The following TSC22D2 variants were observed in gnomAD, a reference collection of about 807,000 sequenced individuals.
The protein encoded by TSC22D2 is TSC22 domain family protein 2.
TSC22D2 carries 5 observed loss-of-function variants against 50.1 expected under a neutral mutation model. That is an observed-to-expected ratio of 0.10 (90% confidence interval 0.05 to 0.21). The LOEUF is 0.21. TSC22D2 is among the 10% of genes least tolerant of loss of function. TSC22D2 has a pLI of 1.00. For synonymous variants in TSC22D2, 501 were observed against 450.1 expected (o/e 1.11, Z -1.43); for missense variants, 1,003 against 1,015.5 (o/e 0.99, Z 0.17).
chr3:150,411,895 GA>G (rs1425930577), intron 1 of TSC22D2, among the ~76,000 whole-genome samples: 1 of 152,118 alleles, frequency 6.6e-6, no homozygotes, highest in Non-Finnish European at 1.5e-5. Flanking sequence ...TCTTCCCAGG[GA>G]CTTCTCTAAG....
intron 1 of TSC22D2, among the ~76,000 whole-genome samples, chr3:150,442,513 G>T (rs1720749675): frequency 6.6e-6 from 1 of 152,184 alleles, no homozygotes; most frequent in Non-Finnish European, 1.5e-5. Context: ...TGTATTTCAT[G>T]ACATTTAGAT....
At chr3:150,433,667 T>C (rs747359941) in intron 1 of TSC22D2, among the ~76,000 whole-genome samples, 2 of 152,356 alleles carry the variant, frequency 1.3e-5, no homozygotes, top group East Asian at 3.9e-4. Context: ...GGATAGTACT[T>C]AGTCCAGAAA....
In TSC22D2 at chr3:150,409,261, T is replaced by C. The variant is rs948997715; in HGVS notation, c.-90T>C. 4.8e-6 allele frequency: 7 copies of C among 1,445,398 alleles called. No homozygotes were observed. Among genetic ancestry groups the C allele is most frequent in the Non-Finnish European group, 5.5e-6 (6 of 1,082,942 alleles). The allele number at this position is 1,445,398 out of a possible 1,614,324, so 89.5% of individuals were successfully genotyped here. On this transcript the variant is annotated 5_prime_UTR_variant, in exon 1 of 3. Transcript: ENST00000688009. This position sits in a 1 kb window ranked among gnomAD's most constrained non-coding sequence, Gnocchi z 7.4. ...CAGACCCCAGCGCAGACTCGGACTTTGTCTTTGGGGGCCCGTGCTCTGCCC... is the reference window on the plus strand; with the variant it reads ...CAGACCCCAGCGCAGACTCGGACTTCGTCTTTGGGGGCCCGTGCTCTGCCC...
rs1373143796 is a variant in TSC22D2 at position 150,460,267 on chromosome 3, T to C, written c.*1631T>C. 2 of 152,202 alleles carry C rather than the reference T, an allele frequency of 1.3e-5. No individual in the cohort carries two copies. Among genetic ancestry groups the C allele is most frequent in the Non-Finnish European group, 2.9e-5 (2 of 68,020 alleles). The allele number at this position is 152,202 out of a possible 1,614,324, so 9.4% of individuals were successfully genotyped here. ...TAAAGAATGCAAAAATAGTGAGCAATATTTGTACTCAATATTCATATTATG... is the reference window on the plus strand; with the variant it reads ...TAAAGAATGCAAAAATAGTGAGCAACATTTGTACTCAATATTCATATTATG... On this transcript the variant is annotated 3_prime_UTR_variant, in exon 3 of 3. Transcript: ENST00000688009.
intron 1 of TSC22D2, among the ~76,000 whole-genome samples, chr3:150,450,951 A>G (rs1721023832): frequency 6.6e-6 from 1 of 152,196 alleles, no homozygotes; most frequent in Non-Finnish European, 1.5e-5. Context: ...GTGGAATAAA[A>G]GTTATAGATG....
At chr3:150,427,493 A>C (rs2108075306) in intron 1 of TSC22D2, among the ~76,000 whole-genome samples, 1 of 152,218 alleles carries the variant, frequency 6.6e-6, no homozygotes, top group East Asian at 1.9e-4. Flanking sequence ...ATATAATTTT[A>C]AAGAATCACT....
chr3:150,421,317 G>GT (rs148799682), intron 1 of TSC22D2, among the ~76,000 whole-genome samples: 1 of 151,576 alleles, frequency 6.6e-6, no homozygotes, highest in African/African-American at 2.4e-5. Flanking sequence ...GGGCAAGCCT[G>GT]TTTTTTTATA....
At chr3:150,418,713 A>G (rs1204642803) in intron 1 of TSC22D2, among the ~76,000 whole-genome samples, 1 of 152,020 alleles carries the variant, frequency 6.6e-6, no homozygotes, top group East Asian at 1.9e-4. Flanking sequence ...CAAGAACCAG[A>G]GTGAAGGACT....
In TSC22D2 at chr3:150,409,875, T is replaced by C. The variant is rs1246989034; in HGVS notation, c.525T>C (p.Tyr175=). 8 of 1,612,464 alleles carry C rather than the reference T, an allele frequency of 5.0e-6. No individual in the cohort carries two copies. Among genetic ancestry groups the C allele is most frequent in the Non-Finnish European group, 6.8e-6 (8 of 1,180,034 alleles). ...TGGACCACGGGAGCGGAGAGCCCTA[T>C]AGACGCGGCCGATGGACGTGTATGG... ...IKLDHGSGEP[Y]RRGRWTCMEY... Residue 175 remains tyrosine, a synonymous_variant, in exon 1 of 3, where the codon TAT becomes TAC. Coordinates refer to ENST00000688009, the MANE Select transcript of TSC22D2 (RefSeq NM_001303264.2). The surrounding 1 kb of genome is among the most constrained non-coding windows in gnomAD (Gnocchi z 7.4).
rs989576161 is a variant in TSC22D2 at position 150,466,277 on chromosome 3, GAGA to G, written c.*7644_*7646del. 3 of 151,988 alleles carry G rather than the reference GAGA, an allele frequency of 2.0e-5. No individual in the cohort carries two copies. Among genetic ancestry groups the G allele is most frequent in the Non-Finnish European group, 2.9e-5 (2 of 67,992 alleles). 9.4% of individuals were successfully genotyped at this position (151,988 alleles called of 1,614,324 possible). On this transcript the variant is annotated 3_prime_UTR_variant, in exon 3 of 3. Transcript: ENST00000688009. ...AGTACATATTTGTGTATTATATAGA[GAGA>G]AGGTCTGGAAGGATACTAACCAAAC...
At chr3:150,449,996 TG>T (rs1373219590) in intron 1 of TSC22D2, among the ~76,000 whole-genome samples, 5 of 152,080 alleles carry the variant, frequency 3.3e-5, no homozygotes, top group African/African-American at 1.2e-4. Context: ...AAATTAGACA[TG>T]CAGTTACATA....
At chr3:150,420,537 T>G (rs2108067906) in intron 1 of TSC22D2, among the ~76,000 whole-genome samples, 1 of 152,350 alleles carries the variant, frequency 6.6e-6, no homozygotes, top group Middle Eastern at 3.4e-3. Context: ...TATTCTAATA[T>G]GTGCTGAAAA....
At chr3:150,443,796 A>G (rs926657611) in intron 1 of TSC22D2, among the ~76,000 whole-genome samples, 6 of 152,214 alleles carry the variant, frequency 3.9e-5, no homozygotes, top group Non-Finnish European at 5.9e-5. Flanking sequence ...TGATTATACA[A>G]TCAAGCTTTT....
chr3:150,465,629 C>A lies in TSC22D2; in HGVS notation c.*6993C>A, dbSNP rs1721523374. 6.6e-6 allele frequency: 1 copy of A among 152,130 alleles called. No homozygotes were observed. Among genetic ancestry groups the A allele is most frequent in the African/African-American group, 2.4e-5 (1 of 41,422 alleles). The allele number at this position is 152,130 out of a possible 1,614,324, so 9.4% of individuals were successfully genotyped here. On this transcript the variant is annotated 3_prime_UTR_variant, in exon 3 of 3. Transcript: ENST00000688009. ...ATTGCACCTTTGCTTGTACAGTAGA[C>A]CCCCTTATCTGCATTTTCACTTTTT...
At chr3:150,428,898 A>T (rs563699258) in intron 1 of TSC22D2, among the ~76,000 whole-genome samples, 1 of 152,276 alleles carries the variant, frequency 6.6e-6, no homozygotes, top group East Asian at 1.9e-4. Context: ...AAATAATACA[A>T]CTATCTTCCT....
rs1006076099 is a variant in TSC22D2 at position 150,464,034 on chromosome 3, G to A, written c.*5398G>A. On this transcript the variant is annotated 3_prime_UTR_variant, in exon 3 of 3. Transcript: ENST00000688009. ...CATATTTATCCCCTTGGAGGGAAGG[G>A]AAAGGTGTGCTAACTTAGATCATAA... The A allele has an allele frequency of 1.2e-4, 18 of 152,316 alleles. No individual in the cohort carries two copies. Among genetic ancestry groups the A allele is most frequent in the Non-Finnish European group, 1.6e-4 (11 of 68,040 alleles). 9.4% of individuals were successfully genotyped at this position (152,316 alleles called of 1,614,324 possible).
chr3:150,416,779 T>C (rs1719820758), intron 1 of TSC22D2, among the ~76,000 whole-genome samples: 1 of 152,174 alleles, frequency 6.6e-6, no homozygotes, highest in Non-Finnish European at 1.5e-5. Context: ...TTAATAATAT[T>C]AAAGGTATAT....
chr3:150,465,571 T>A lies in TSC22D2; in HGVS notation c.*6935T>A, dbSNP rs973007300. ...TTTTAATGTCCTAAAGAAACATACA[T>A]GTGTTCACAAGATAGCCTGTACAAT... is the stretch of plus-strand genomic sequence containing the variant. On this transcript the variant is annotated 3_prime_UTR_variant, in exon 3 of 3. Coordinates refer to ENST00000688009, the MANE Select transcript of TSC22D2 (RefSeq NM_001303264.2). 1 of 152,202 alleles carries A rather than the reference T, an allele frequency of 6.6e-6. No homozygotes were observed. Among genetic ancestry groups the A allele is most frequent in the Non-Finnish European group, 1.5e-5 (1 of 68,016 alleles). The allele number at this position is 152,202 out of a possible 1,614,324, so 9.4% of individuals were successfully genotyped here. A position where few individuals can be genotyped will look rare whatever the true frequency, so the allele number is the denominator to read the frequency against.
chr3:150,424,372 C>T (rs1250873905), intron 1 of TSC22D2, among the ~76,000 whole-genome samples: 1 of 152,060 alleles, frequency 6.6e-6, no homozygotes, highest in African/African-American at 2.4e-5. Context: ...GGAAAAATAG[C>T]ACTCTGTTTA....
Sources: allele counts gnomAD v4.1 joint callset (sites outside exome capture counted in the v4.1 genomes callset), GRCh38; gene constraint gnomAD v4.1.1; non-coding constraint Gnocchi (gnomAD v3.1); transcripts MANE v1.5; gene names NCBI Gene and HGNC (gene_info 2026-07-23, HGNC 2026-07-21).